The following COBLL1 variants were observed in gnomAD, a reference collection of about 807,000 sequenced individuals.
COBLL1 encodes the protein cordon-bleu protein-like 1.
COBLL1 carries 50 observed loss-of-function variants against 94.8 expected under a neutral mutation model. The observed-to-expected ratio is 0.53, with a 90% CI of 0.42 to 0.67. The LOEUF is 0.67. Among genes scored for constraint, COBLL1 ranks in the 30% least tolerant of loss-of-function variants. The pLI is 0.00. For missense variants in COBLL1, 1,362 were observed against 1,348.7 expected, an observed-to-expected ratio of 1.01 and a Z score of -0.15; for synonymous variants, 448 against 473.8, an observed-to-expected ratio of 0.95 and a Z score of 0.71.
intron 7 of COBLL1, among the ~76,000 whole-genome samples, chr2:164,707,567 G>A (rs903078612): frequency 1.3e-5 from 2 of 152,096 alleles, no homozygotes; most frequent in African/African-American, 4.8e-5. Flanking sequence ...TATTTGCCTT[G>A]TACATTGTCT....
At chr2:164,665,140 G>T (rs1310323404) in intron 2 of COBLL1, among the ~76,000 whole-genome samples, 1 of 152,138 alleles carries the variant, frequency 6.6e-6, no homozygotes, top group Non-Finnish European at 1.5e-5. Flanking sequence ...AGACCAGCCT[G>T]GCCAACATGG....
At chr2:164,818,297 C>CAT (rs1553482014) in intron 2 of COBLL1, among the ~76,000 whole-genome samples, 4 of 140,854 alleles carry the variant, frequency 2.8e-5, no homozygotes, top group African/African-American at 8.8e-5. Context: ...TGTATGTATA[C>CAT]ATATGTATAC....
chr2:164,806,055 T>G (rs528814098), intron 2 of COBLL1, among the ~76,000 whole-genome samples: 2 of 152,290 alleles, frequency 1.3e-5, no homozygotes, highest in South Asian at 4.1e-4. Flanking sequence ...TCCAGACAAT[T>G]TCTTAAATGT....
rs931322039 is a variant in COBLL1 at position 164,680,372 on chromosome 2, TC to T, written c.*5573del. ...ATTTCCTAAGTATATTATTTTCTGA[TC>T]CCTTGAAGGTATCCAAAACCCACCA... On this transcript the variant is annotated 3_prime_UTR_variant, in exon 14 of 14. Coordinates refer to ENST00000652658, the MANE Select transcript of COBLL1 (RefSeq NM_001365672.2). The T allele has an allele frequency of 2.0e-5, 3 of 152,076 alleles. No individual in the cohort carries two copies. Among genetic ancestry groups the T allele is most frequent in the African/African-American group, 7.2e-5 (3 of 41,430 alleles). The allele number at this position is 152,076 out of a possible 1,614,324, so 9.4% of individuals were successfully genotyped here.
At chr2:164,707,143 A>T (rs1329139498) in intron 7 of COBLL1, among the ~76,000 whole-genome samples, 1 of 148,440 alleles carries the variant, frequency 6.7e-6, no homozygotes, top group Non-Finnish European at 1.5e-5. Context: ...GCCATTTCTC[A>T]AAAGTCATTT....
chr2:164,801,423 A>G (rs1426327721), intron 2 of COBLL1, among the ~76,000 whole-genome samples: 7 of 124,712 alleles, frequency 5.6e-5, no homozygotes, highest in African/African-American at 2.2e-4. Context: ...TGGGCGACAG[A>G]GCGAGACTCC....
chr2:164,690,534 C>A (rs1286007528), intron 13 of COBLL1, among the ~76,000 whole-genome samples: 1 of 152,190 alleles, frequency 6.6e-6, no homozygotes, highest in East Asian at 1.9e-4. Flanking sequence ...TATATAGCTG[C>A]TGGCCTGTAT....
chr2:164,687,467 GC>G, intron 13 of COBLL1: 1 of 1,433,146 alleles, frequency 7.0e-7, no homozygotes, highest in Non-Finnish European at 9.7e-7. Flanking sequence ...TTGGCCCTGT[GC>G]AGGGCCTCAA....
In COBLL1 at chr2:164,695,254, G is replaced by C; in HGVS notation, c.2138C>G (p.Pro713Arg). ...NYPLYRQDYN[P>R]KPKPSNEITR... is the part of the protein sequence containing the mutation. The stretch of plus-strand genomic sequence containing the variant: ...AATTTCATTTGAAGGTTTTGGCTTG[G>C]GATTGTAGTCCTGTCTATAAAGTGG... Residue 713 changes from proline (P) to arginine (R), a missense_variant, in exon 12 of 14, where the codon CCC becomes CGC. Transcript: ENST00000652658. 6.2e-7 allele frequency: 1 copy of C among 1,613,816 alleles called. No homozygotes were observed. The highest frequency in any genetic ancestry group is 8.5e-7 in the Non-Finnish European group (1 of 1,179,924).
intron 2 of COBLL1, among the ~76,000 whole-genome samples, chr2:164,806,969 G>A (rs1684189828): frequency 6.6e-6 from 1 of 152,120 alleles, no homozygotes; most frequent in Non-Finnish European, 1.5e-5. Context: ...GCCTTCCAAA[G>A]TGCTGGGATT....
intron 7 of COBLL1, among the ~76,000 whole-genome samples, chr2:164,714,997 T>C (rs558977202): frequency 2.4e-4 from 37 of 152,324 alleles, no homozygotes; most frequent in African/African-American, 8.9e-4. Context: ...TAATTCATAG[T>C]TCTTTTAGGC....
chr2:164,748,649 A>G (rs1686985111), intron 2 of COBLL1, among the ~76,000 whole-genome samples: 1 of 152,146 alleles, frequency 6.6e-6, no homozygotes, highest in African/African-American at 2.4e-5. Context: ...GCTTTTCTTC[A>G]CCGGTGGCCT....
intron 2 of COBLL1, among the ~76,000 whole-genome samples, chr2:164,755,541 G>A (rs1348192621): frequency 6.6e-6 from 1 of 152,052 alleles, no homozygotes; most frequent in African/African-American, 2.4e-5. Flanking sequence ...TATGTAAAGT[G>A]GGCCACAGGA....
intron 2 of COBLL1, among the ~76,000 whole-genome samples, chr2:164,747,492 C>CT (rs759144071): frequency 6.6e-6 from 1 of 151,502 alleles, no homozygotes; most frequent in East Asian, 1.9e-4. Context: ...TCACACAGAA[C>CT]TTTTTTTTTA....
chr2:164,770,771 T>C (rs1688166475), intron 2 of COBLL1, among the ~76,000 whole-genome samples: 1 of 152,102 alleles, frequency 6.6e-6, no homozygotes, highest in Non-Finnish European at 1.5e-5. Flanking sequence ...CGCCAAGTAA[T>C]GGTGGTGGTC....
At chr2:164,716,058 A>G (rs543884844) in intron 7 of COBLL1, among the ~76,000 whole-genome samples, 1 of 152,310 alleles carries the variant, frequency 6.6e-6, no homozygotes, top group Non-Finnish European at 1.5e-5. Context: ...TCAGCTTATG[A>G]GGCTAATTTG....
intron 2 of COBLL1, among the ~76,000 whole-genome samples, chr2:164,752,226 C>T (rs1323052066): frequency 6.6e-6 from 1 of 152,156 alleles, no homozygotes; most frequent in African/African-American, 2.4e-5. Flanking sequence ...GTCCTTACTA[C>T]ACTATATGAA....
At chr2:164,794,520 C>T (rs574405769) in intron 2 of COBLL1, among the ~76,000 whole-genome samples, 3 of 151,964 alleles carry the variant, frequency 2.0e-5, no homozygotes, top group African/African-American at 7.2e-5. Context: ...AGGGAAAATG[C>T]AGACACACCT....
intron 1 of COBLL1, among the ~76,000 whole-genome samples, chr2:164,672,042 G>C (rs987605913): frequency 6.6e-6 from 1 of 152,208 alleles, no homozygotes; most frequent in Non-Finnish European, 1.5e-5. Context: ...TGTATTGATA[G>C]AGGTGTACGC....
Sources: gnomAD v4.1 joint callset for allele counts (sites outside exome capture counted in the v4.1 genomes callset) on GRCh38, gnomAD v4.1.1 for gene constraint, MANE v1.5 for transcripts, NCBI Gene and HGNC (gene_info 2026-07-23, HGNC 2026-07-21) for gene names.